The following AFF3 variants were observed in gnomAD, a reference collection of about 807,000 sequenced individuals.
The protein encoded by AFF3 is ALF transcription elongation factor 3, also known as AF4/FMR2 family member 3.
Under a neutral mutation model 129.7 loss-of-function variants are expected in AFF3, and 32 were observed. That is an observed-to-expected ratio of 0.25 (90% CI 0.19 to 0.33). AFF3 has a LOEUF of 0.33. AFF3 is among the 10% of genes least tolerant of loss of function. The probability of loss-of-function intolerance (pLI) is 1.00; values close to 1 mark genes in which losing one functional copy is unlikely to be tolerated. For missense variants in AFF3, 1,373 were observed against 1,592.0 expected (o/e 0.86, Z 2.34); for synonymous variants, 644 against 635.4 (o/e 1.01, Z -0.20).
chr2:99,672,466 C>G, intron 12 of AFF3, 72 bp downstream of exon 12: 6 of 1,496,478 alleles, frequency 4.0e-6, no homozygotes, highest in South Asian at 3.4e-5. Context: ...TTGGTTAACA[C>G]CCGGCACAGT....
At chr2:99,908,749 GA>G (rs1185217141) in intron 7 of AFF3, among the ~76,000 whole-genome samples, 3 of 152,196 alleles carry the variant, frequency 2.0e-5, no homozygotes, top group African/African-American at 7.2e-5. Flanking sequence ...GGCCATCAGA[GA>G]AATGCAAATC....
chr2:99,881,900 TC>T (rs1315918197), intron 7 of AFF3, among the ~76,000 whole-genome samples: 2 of 152,202 alleles, frequency 1.3e-5, no homozygotes, highest in African/African-American at 4.8e-5. Context: ...AATAGAGAAA[TC>T]AGGGTTTTGT....
chr2:99,687,498 C>T lies in AFF3; in HGVS notation c.1092-14909G>A, dbSNP rs531662794. 6.0e-4 allele frequency among the ~76,000 whole-genome samples: 91 copies of T among 152,146 alleles called. 1 individual carries two copies. Among genetic ancestry groups the T allele is most frequent in the African/African-American group, 2.1e-3 (86 of 41,486 alleles). On this transcript the variant is annotated intron_variant, in intron 11 of 24. Coordinates refer to ENST00000672756, the MANE Select transcript of AFF3 (RefSeq NM_001386135.1). ...CAGACGGAGTGTTCTAAGAACTCAGCGAGGACACTCTTCAAGCCACGAGGC... is the reference window on the plus strand; with the variant it reads ...CAGACGGAGTGTTCTAAGAACTCAGTGAGGACACTCTTCAAGCCACGAGGC...
At chr2:100,068,116 T>A (rs35869550) in intron 4 of AFF3, among the ~76,000 whole-genome samples, 22,009 of 152,198 alleles carry the variant, frequency 0.14, 1,923 homozygotes, top group East Asian at 0.28. Flanking sequence ...ACAAGCTACG[T>A]GGAATTGAGA....
At chr2:99,686,002 C>T (rs1430714906) in intron 11 of AFF3, among the ~76,000 whole-genome samples, 2 of 151,996 alleles carry the variant, frequency 1.3e-5, no homozygotes, top group Non-Finnish European at 2.9e-5. Flanking sequence ...TCCTGGCTAA[C>T]ACAGTGAAAC....
chr2:100,049,149 A>G (rs1686077818), intron 4 of AFF3, among the ~76,000 whole-genome samples: 1 of 152,184 alleles, frequency 6.6e-6, no homozygotes. Context: ...TTAATCACAA[A>G]AGGAAGAAAG....
intron 2 of AFF3, among the ~76,000 whole-genome samples, chr2:100,117,025 AT>A (rs1202110052): frequency 2.0e-5 from 3 of 152,164 alleles, no homozygotes; most frequent in African/African-American, 7.2e-5. Flanking sequence ...TCCGATGAAA[AT>A]AAAACCCCTT....
intron 7 of AFF3, among the ~76,000 whole-genome samples, chr2:99,949,373 T>C (rs1675928577): frequency 6.6e-6 from 1 of 152,174 alleles, no homozygotes; most frequent in Non-Finnish European, 1.5e-5. Flanking sequence ...TAGACCAATT[T>C]TGTGGAAGAC....
chr2:99,723,411 T>C (rs1679081501), intron 11 of AFF3, among the ~76,000 whole-genome samples: 1 of 152,172 alleles, frequency 6.6e-6, no homozygotes, highest in Non-Finnish European at 1.5e-5. Flanking sequence ...GTCCATATAA[T>C]GGCTTTAATG....
At chr2:99,977,796 G>C (rs1008674670) in intron 7 of AFF3, among the ~76,000 whole-genome samples, 1 of 146,798 alleles carries the variant, frequency 6.8e-6, no homozygotes, top group Non-Finnish European at 1.5e-5. Flanking sequence ...GGCCTTACAG[G>C]CTTAGAAGTG....
At chr2:100,108,301 C>A (rs1343399643) in intron 2 of AFF3, among the ~76,000 whole-genome samples, 1 of 152,166 alleles carries the variant, frequency 6.6e-6, no homozygotes, top group African/African-American at 2.4e-5. Flanking sequence ...AGGCCTTTCC[C>A]TCTCTCTCCA....
intron 8 of AFF3, among the ~76,000 whole-genome samples, chr2:99,832,113 G>A (rs964203484): frequency 1.3e-5 from 2 of 152,140 alleles, no homozygotes; most frequent in Non-Finnish European, 2.9e-5. Context: ...ATTGACAAAC[G>A]CCCCGTGAAA....
At chr2:99,884,868 C>G (rs1024522911) in intron 7 of AFF3, among the ~76,000 whole-genome samples, 4 of 152,190 alleles carry the variant, frequency 2.6e-5, no homozygotes, top group African/African-American at 9.7e-5. Context: ...TTCTACCATC[C>G]TCCAATCCCA....
At chr2:99,928,594 T>C (rs1219811508) in intron 7 of AFF3, among the ~76,000 whole-genome samples, 1 of 152,224 alleles carries the variant, frequency 6.6e-6, no homozygotes, top group Non-Finnish European at 1.5e-5. Flanking sequence ...AAAAGTTCAG[T>C]AACTGTATCT....
intron 5 of AFF3, chr2:100,007,689 G>A (rs529187685): frequency 6.0e-5 from 33 of 548,038 alleles, no homozygotes; most frequent in Admixed American, 2.0e-4. Flanking sequence ...GGATCTATCC[G>A]GCCGGGCGCG....
intron 7 of AFF3, among the ~76,000 whole-genome samples, chr2:99,900,966 A>T (rs1272163722): frequency 1.3e-5 from 2 of 152,236 alleles, no homozygotes; most frequent in African/African-American, 4.8e-5. Flanking sequence ...CAAGTGCAGG[A>T]TTAGCCACAG....
chr2:100,131,519 G>T (rs1348312954), intron 1 of AFF3, among the ~76,000 whole-genome samples: 3 of 152,054 alleles, frequency 2.0e-5, no homozygotes, highest in African/African-American at 7.2e-5. Context: ...GAGTGCAGTG[G>T]TGCAGTCTCA....
At chr2:99,760,730 G>A (rs903007277) in intron 8 of AFF3, among the ~76,000 whole-genome samples, 21 of 152,106 alleles carry the variant, frequency 1.4e-4, no homozygotes, top group Non-Finnish European at 2.8e-4. Flanking sequence ...GAAGAGAAAT[G>A]TAATGTTTAA....
At chr2:99,681,618 G>T (rs1674530572) in intron 11 of AFF3, among the ~76,000 whole-genome samples, 1 of 152,182 alleles carries the variant, frequency 6.6e-6, no homozygotes, top group Non-Finnish European at 1.5e-5. Flanking sequence ...ACCTCAAAGA[G>T]CTCTTTCGAC....
Sources: gnomAD v4.1 joint callset for allele counts (sites outside exome capture counted in the v4.1 genomes callset) on GRCh38, gnomAD v4.1.1 for gene constraint, MANE v1.5 for transcripts, NCBI Gene and HGNC (gene_info 2026-07-23, HGNC 2026-07-21) for gene names.